FAT3: variants seen among roughly 807,000 people sequenced by gnomAD.
FAT3 encodes the protein FAT atypical cadherin 3, also known as protocadherin Fat 3.
FAT3 carries 95 observed loss-of-function variants against 310.2 expected under a neutral mutation model. That is an observed-to-expected ratio of 0.31 (90% CI 0.26 to 0.36). FAT3 has a LOEUF of 0.36. FAT3 is among the 10% of genes least tolerant of loss of function. The pLI is 1.00. For synonymous variants in FAT3, 2,314 were observed against 2,192.9 expected (o/e 1.06, Z -1.54); for missense variants, 5,408 against 5,715.6 (o/e 0.95, Z 1.74).
At chr11:92,702,669 C>A (rs892289752) in intron 4 of FAT3, among the ~76,000 whole-genome samples, 1 of 152,126 alleles carries the variant, frequency 6.6e-6, no homozygotes, top group Non-Finnish European at 1.5e-5. Flanking sequence ...TATAGCACTT[C>A]GATTATTCTT....
At position 92,840,750 on chromosome 11, in the gene FAT3, G is replaced by A; in HGVS notation, c.10557G>A (p.Leu3519=). The A allele has an allele frequency of 6.3e-7, 1 of 1,582,282 alleles. No homozygotes were observed. Among genetic ancestry groups the A allele is most frequent in the East Asian group, 2.3e-5 (1 of 44,132 alleles). ...FQHTESLEYV[L]CVQAKDSGKP... ...ACACAGAGTCTCTGGAATACGTGTT[G>A]TGTGTCCAGGTATGGCATCGCACTC... The change falls in exon 18 of 28, where the codon TTG becomes TTA. Residue 3519 remains leucine, a synonymous_variant. Coordinates refer to ENST00000525166, the MANE Select transcript of FAT3 (RefSeq NM_001367949.2).
At chr11:92,578,831 G>A (rs987503773) in intron 3 of FAT3, among the ~76,000 whole-genome samples, 1 of 152,020 alleles carries the variant, frequency 6.6e-6, no homozygotes, top group African/African-American at 2.4e-5. Context: ...TGCAAGAAAA[G>A]TACATGGCAA....
chr11:92,410,413 C>G (rs1950230903), intron 2 of FAT3, among the ~76,000 whole-genome samples: 1 of 151,968 alleles, frequency 6.6e-6, no homozygotes. Context: ...AGTAATTACT[C>G]TGGGACCATT....
At chr11:92,437,981 G>A (rs763688213) in intron 2 of FAT3, among the ~76,000 whole-genome samples, 9 of 152,118 alleles carry the variant, frequency 5.9e-5, no homozygotes, top group Admixed American at 2.6e-4. Flanking sequence ...AAGAGAGAAA[G>A]GCCCTTGTTT....
intron 18 of FAT3, among the ~76,000 whole-genome samples, chr11:92,843,379 T>C (rs892045312): frequency 3.3e-5 from 5 of 152,240 alleles, no homozygotes; most frequent in Non-Finnish European, 7.3e-5. Context: ...CTGTTCATTC[T>C]TACACATGGA....
At position 92,271,594 on chromosome 11, in the gene FAT3, GT is replaced by G. The variant is rs141677878; in HGVS notation, c.-18+46422del. 9.7e-3 allele frequency among the ~76,000 whole-genome samples: 1,474 copies of G among 152,254 alleles called. 15 individuals carry two copies. Among genetic ancestry groups the G allele is most frequent in the African/African-American group, 0.033 (1,387 of 41,550 alleles). ...GGGTAGGAAATCTGTCTGTTTCACT[GT>G]TATCCCTCCAGTGCCCAGAACAGTG... On this transcript the variant is annotated intron_variant, in intron 1 of 27. Transcript: ENST00000525166.
At chr11:92,598,215 C>CATAT (rs148924628) in intron 3 of FAT3, among the ~76,000 whole-genome samples, 32,382 of 135,968 alleles carry the variant, frequency 0.24, 4,328 homozygotes, top group Non-Finnish European at 0.29. Context: ...TATATGTATA[C>CATAT]ATATATATAT....
At position 92,801,873 on chromosome 11, in the gene FAT3, T is replaced by G; in HGVS notation, c.8860T>G (p.Ser2954Ala). The change falls in exon 10 of 28, where the codon TCC (serine) becomes GCC (alanine). Residue 2954 changes from serine (S) to alanine (A), a missense_variant. By Grantham distance (99) the Ser-to-Ala change is moderately conservative. Coordinates refer to ENST00000525166, the MANE Select transcript of FAT3 (RefSeq NM_001367949.2). ...AVLSTWDRDT[S>A]DVNRQVSYHI... ...CCTCAGCACCTGGGACAGAGACACA[T>G]CCGACGTTAATCGCCAAGTGAGCTA... 6.2e-7 allele frequency: 1 copy of G among 1,613,854 alleles called. No individual in the cohort carries two copies. Among genetic ancestry groups the G allele is most frequent in the Non-Finnish European group, 8.5e-7 (1 of 1,179,806 alleles).
At chr11:92,570,268 A>G (rs1156745264) in intron 3 of FAT3, among the ~76,000 whole-genome samples, 2 of 152,138 alleles carry the variant, frequency 1.3e-5, no homozygotes, top group African/African-American at 4.8e-5. Context: ...TCTCCTCTAG[A>G]CTGTGAGATT....
At chr11:92,680,697 C>T (rs182427680) in intron 3 of FAT3, among the ~76,000 whole-genome samples, 44 of 152,304 alleles carry the variant, frequency 2.9e-4, no homozygotes, top group African/African-American at 1.1e-3. Flanking sequence ...GTACTTGTTG[C>T]ATTGCAAGTG....
In FAT3 at chr11:92,393,904, A is replaced by G. The variant is rs554581334; in HGVS notation, c.3292+38500A>G. Among the ~76,000 whole-genome samples the G allele has an allele frequency of 2.0e-5, 3 of 152,224 alleles. No homozygotes were observed. The South Asian group carries it at 6.2e-4, about 32-fold the overall frequency. ...GGATTTTATATGCTACTGACTTGTTATGTTGTAATATCTCAAGAATTGCTC... is the reference window on the plus strand; with the variant it reads ...GGATTTTATATGCTACTGACTTGTTGTGTTGTAATATCTCAAGAATTGCTC... On this transcript the variant is annotated intron_variant, in intron 2 of 27. Transcript: ENST00000525166.
intron 2 of FAT3, among the ~76,000 whole-genome samples, chr11:92,484,228 C>T (rs978592961): frequency 3.9e-5 from 6 of 152,174 alleles, no homozygotes; most frequent in Non-Finnish European, 8.8e-5. Context: ...TCACAAATTC[C>T]ATGGTGCTGT....
rs2136349936 is a variant in FAT3, at chr11:92,866,974, G to T, written c.11892G>T (p.Ala3964=). Residue 3964 remains alanine, a synonymous_variant, in exon 22 of 28, where the codon GCG becomes GCT. Coordinates refer to ENST00000525166, the MANE Select transcript of FAT3 (RefSeq NM_001367949.2). ...TCTACTTCGGCGCCCTGGTGCAAGC[G>T]GATAACATCCGCAGCCTGACTGACA... is the stretch of plus-strand genomic sequence containing the variant. ...SSIYFGALVQ[A]DNIRSLTDTR... 6.2e-7 allele frequency: 1 copy of T among 1,612,502 alleles called. No individual in the cohort carries two copies. The highest frequency in any genetic ancestry group is 8.5e-7 in the Non-Finnish European group (1 of 1,179,424).
intron 18 of FAT3, among the ~76,000 whole-genome samples, chr11:92,843,659 C>G (rs1948601178): frequency 6.6e-6 from 1 of 152,186 alleles, no homozygotes. Context: ...CATGTTGAGT[C>G]TTGTAGCCCT....
intron 1 of FAT3, among the ~76,000 whole-genome samples, chr11:92,335,620 A>G (rs1362088524): frequency 6.6e-6 from 1 of 152,224 alleles, no homozygotes; most frequent in African/African-American, 2.4e-5. Flanking sequence ...GTGTAAAAAA[A>G]GAAACATGTA....
At chr11:92,726,566 G>C (rs974766175) in intron 4 of FAT3, among the ~76,000 whole-genome samples, 7 of 152,078 alleles carry the variant, frequency 4.6e-5, no homozygotes, top group African/African-American at 1.4e-4. Flanking sequence ...AAGATGGAAA[G>C]ATACTCAGAT....
intron 1 of FAT3, among the ~76,000 whole-genome samples, chr11:92,290,306 A>C (rs1946658081): frequency 6.6e-6 from 1 of 152,032 alleles, no homozygotes; most frequent in Non-Finnish European, 1.5e-5. Context: ...TTGGGGGCAA[A>C]GATTATTGTC....
chr11:92,626,484 T>C (rs2511281), intron 3 of FAT3, among the ~76,000 whole-genome samples: 84,269 of 149,962 alleles, frequency 0.56, 24,933 homozygotes, highest in African/African-American at 0.76. Flanking sequence ...TTTTTTTTTT[T>C]CCCTTCAAAA....
intron 1 of FAT3, among the ~76,000 whole-genome samples, chr11:92,309,375 C>T (rs1214165217): frequency 3.6e-5 from 2 of 55,438 alleles, no homozygotes; most frequent in African/African-American, 1.8e-4. Context: ...CTCTTTTACA[C>T]ACACGCATGC....
Sources: gnomAD v4.1 joint callset for allele counts (sites outside exome capture counted in the v4.1 genomes callset) on GRCh38, gnomAD v4.1.1 for gene constraint, MANE v1.5 for transcripts, NCBI Gene and HGNC (gene_info 2026-07-23, HGNC 2026-07-21) for gene names.